Variants in EP400 observed in about 807,000 individuals in gnomAD.
EP400 encodes the protein E1A-binding protein p400.
In EP400, 105 loss-of-function variants were observed where a neutral mutation model predicts 354.1. The observed-to-expected ratio is 0.30, with a 90% CI of 0.25 to 0.35. The LOEUF is 0.35. EP400 is among the 10% of genes least tolerant of loss of function. The pLI is 1.00. For synonymous variants in EP400, 1,646 were observed against 1,716.9 expected, an observed-to-expected ratio of 0.96 and a Z score of 1.02; for missense variants, 3,280 against 4,121.0, an observed-to-expected ratio of 0.80 and a Z score of 5.59.
At chr12:131,952,376 G>C (rs1466183144) in intron 1 of EP400, among the ~76,000 whole-genome samples, 1 of 151,000 alleles carries the variant, frequency 6.6e-6, no homozygotes, top group Non-Finnish European at 1.5e-5. Flanking sequence ...TCAAACTCCT[G>C]ATCTCAGTGA....
chr12:132,020,303 A>T (rs1165329710), intron 22 of EP400, 85 bp downstream of exon 22: 8 of 1,447,854 alleles, frequency 5.5e-6, no homozygotes, highest in Non-Finnish European at 6.5e-6. Context: ...GCGCCTCTGG[A>T]TGCGGTAATT....
At chr12:132,037,474 GC>G (rs938020640) in intron 30 of EP400, among the ~76,000 whole-genome samples, 3 of 152,196 alleles carry the variant, frequency 2.0e-5, no homozygotes, top group African/African-American at 7.2e-5. Context: ...TTCCGGAGGG[GC>G]CTCCTGTCAG....
intron 2 of EP400, among the ~76,000 whole-genome samples, chr12:131,979,200 A>C (rs1293402015): frequency 6.6e-6 from 1 of 151,066 alleles, no homozygotes; most frequent in Non-Finnish European, 1.5e-5. Context: ...TGACAGAGCG[A>C]GACTCCGTCT....
In EP400 at chr12:132,067,530, C is replaced by T; in HGVS notation, c.8874+44C>T. On this transcript the variant is annotated intron_variant, in intron 50 of 52. Coordinates refer to ENST00000389561, the MANE Select transcript of EP400 (RefSeq NM_015409.5). The surrounding 1 kb of genome is among the most constrained non-coding windows in gnomAD (Gnocchi z 5.3). ...TCTCACTTCTGGGTCTATGCCAAGC[C>T]AAAGCTGGCTGCTGGAGGAGAGGGT... 3.8e-6 allele frequency: 6 copies of T among 1,588,880 alleles called. No individual in the cohort carries two copies. Among genetic ancestry groups the T allele is most frequent in the African/African-American group, 1.3e-5 (1 of 74,488 alleles).
chr12:132,003,617 C>A (rs1416949345), intron 12 of EP400, among the ~76,000 whole-genome samples: 1 of 152,054 alleles, frequency 6.6e-6, no homozygotes. Flanking sequence ...CTGGAAGTTT[C>A]CAGTGGTTTG....
intron 2 of EP400, among the ~76,000 whole-genome samples, chr12:131,969,512 T>C (rs1323960719): frequency 6.6e-6 from 1 of 152,176 alleles, no homozygotes; most frequent in African/African-American, 2.4e-5. Context: ...AGGTTATCTG[T>C]GATTGGCCAA....
chr12:131,972,367 A>T (rs959931010), intron 2 of EP400, among the ~76,000 whole-genome samples: 2 of 151,842 alleles, frequency 1.3e-5, no homozygotes, highest in African/African-American at 4.8e-5. Context: ...GTTAGCCAGG[A>T]TGGTCTCGAT....
rs901838378 is a variant in EP400 at position 131,961,854 on chromosome 12, C to G, written c.1235C>G (p.Ala412Gly). The change falls in exon 2 of 53, where the codon GCC (alanine) becomes GGC (glycine). Residue 412 changes from alanine (A) to glycine (G), a missense_variant. This residue lies in a region of EP400 where 800 missense variants were observed against 840.0 expected (regional missense o/e 0.95). Coordinates refer to ENST00000389561, the MANE Select transcript of EP400 (RefSeq NM_015409.5). ...DFLAFKKKHY[A>G]PLQAYLRQND... ...TTAGCTTTCAAGAAGAAACATTATG[C>G]CCCATTACAAGCATATCTTAGGCAG... 1.2e-6 allele frequency: 2 copies of G among 1,613,886 alleles called. No homozygotes were observed. Among genetic ancestry groups the G allele is most frequent in the African/African-American group, 1.3e-5 (1 of 74,822 alleles).
intron 45 of EP400, among the ~76,000 whole-genome samples, chr12:132,060,245 CACA>C (rs1294198393): frequency 6.6e-6 from 1 of 152,068 alleles, no homozygotes; most frequent in African/African-American, 2.4e-5. Context: ...ACATCCTACA[CACA>C]ACATGGGATG....
chr12:131,981,707 T>C (rs1202586370), intron 4 of EP400, 111 bp downstream of exon 4: 4 of 855,614 alleles, frequency 4.7e-6, no homozygotes, highest in Non-Finnish European at 7.3e-6. Context: ...GTGTTTGCAG[T>C]GGGGTGCCTG....
At chr12:132,063,732 G>A (rs1055650401) in intron 47 of EP400, among the ~76,000 whole-genome samples, 8 of 152,232 alleles carry the variant, frequency 5.3e-5, no homozygotes, top group African/African-American at 1.2e-4. Flanking sequence ...TGGGGCTGTC[G>A]GGAGGGCTGT....
At chr12:132,065,906 A>G (rs1895875567) in intron 48 of EP400, 2 of 152,252 alleles carry the variant, frequency 1.3e-5, no homozygotes, top group Admixed American at 1.3e-4. Flanking sequence ...TAATTACGCT[A>G]TGAAAATGTG....
chr12:132,068,993 A>G lies in EP400; in HGVS notation c.8875-502A>G, dbSNP rs117931946. ...ACATCCTTAGATGTTAAAAACCCCT[A>G]TTTACCCATAAGCATGGCTGATAAA... On this transcript the variant is annotated intron_variant, in intron 50 of 52. Coordinates refer to ENST00000389561, the MANE Select transcript of EP400 (RefSeq NM_015409.5). 5.9e-3 allele frequency: 909 copies of G among 153,430 alleles called. 17 individuals carry two copies. In the South Asian group the frequency reaches 0.061, roughly 10 times the overall value. 9.5% of individuals were successfully genotyped at this position (153,430 alleles called of 1,614,324 possible). A position where few individuals can be genotyped will look rare whatever the true frequency, so the allele number is the denominator to read the frequency against.
intron 1 of EP400, among the ~76,000 whole-genome samples, chr12:131,951,974 G>C (rs1199772717): frequency 1.3e-5 from 2 of 151,310 alleles, no homozygotes; most frequent in African/African-American, 4.9e-5. Context: ...TTAGTAGAGA[G>C]GGGGTTTCAA....
intron 11 of EP400, among the ~76,000 whole-genome samples, 160 bp downstream of exon 11, chr12:131,992,390 G>A (rs537580900): frequency 2.0e-5 from 3 of 152,264 alleles, no homozygotes; most frequent in African/African-American, 7.2e-5. Flanking sequence ...AGTACTTTTT[G>A]TATCTCTAGA....
intron 1 of EP400, among the ~76,000 whole-genome samples, chr12:131,958,488 A>G (rs1788653810): frequency 6.6e-6 from 1 of 152,220 alleles, no homozygotes; most frequent in Non-Finnish European, 1.5e-5. Flanking sequence ...TAAATTCTGT[A>G]GTCTTTGATT....
At chr12:131,964,929 A>G (rs1222916744) in intron 2 of EP400, among the ~76,000 whole-genome samples, 2 of 152,210 alleles carry the variant, frequency 1.3e-5, no homozygotes, top group African/African-American at 4.8e-5. Flanking sequence ...TCCAGTATCA[A>G]GTTGTCATGC....
intron 30 of EP400, among the ~76,000 whole-genome samples, chr12:132,037,200 T>C (rs959477884): frequency 3.9e-5 from 6 of 152,174 alleles, no homozygotes; most frequent in Non-Finnish European, 8.8e-5. Flanking sequence ...ACGGTCGTAA[T>C]TGAACACCTC....
intron 2 of EP400, among the ~76,000 whole-genome samples, chr12:131,970,299 T>A (rs926125848): frequency 6.6e-6 from 1 of 152,236 alleles, no homozygotes; most frequent in Non-Finnish European, 1.5e-5. Flanking sequence ...ATGCACCAGA[T>A]TGCCAGAAGT....
Sources: allele counts gnomAD v4.1 joint callset (sites outside exome capture counted in the v4.1 genomes callset), GRCh38; gene constraint gnomAD v4.1.1; regional missense constraint gnomAD v4.1.1; non-coding constraint Gnocchi (gnomAD v3.1); transcripts MANE v1.5; gene names NCBI Gene and HGNC (gene_info 2026-07-23, HGNC 2026-07-21).